TRAPPC10: variants seen among roughly 807,000 people sequenced by gnomAD.
The protein encoded by TRAPPC10 is TRAPP 130 kDa subunit.
A neutral mutation model predicts 125.5 loss-of-function variants in TRAPPC10; 23 were observed. The observed-to-expected ratio is 0.18, with a 90% CI of 0.13 to 0.26. The LOEUF (loss-of-function observed/expected upper bound fraction) is 0.26, where lower values mean the gene tolerates loss of function less well. Among genes scored for constraint, TRAPPC10 ranks in the 10% least tolerant of loss-of-function variants. TRAPPC10 has a pLI of 1.00. For synonymous variants in TRAPPC10, 509 were observed against 518.0 expected (o/e 0.98, Z 0.24); for missense variants, 1,123 against 1,308.4 (o/e 0.86, Z 2.19).
chr21:44,050,967 C>T (rs978968003), intron 3 of TRAPPC10, among the ~76,000 whole-genome samples: 17 of 152,048 alleles, frequency 1.1e-4, no homozygotes, highest in Admixed American at 3.3e-4. Flanking sequence ...TGCAGTGGTG[C>T]GATCTTGACT....
rs1239143260 is a variant in TRAPPC10 at position 44,077,680 on chromosome 21, T to G, written c.1378-13T>G. 1 of 1,583,750 alleles carries G rather than the reference T, an allele frequency of 6.3e-7. No homozygotes were observed. The highest frequency in any genetic ancestry group is 1.3e-5 in the African/African-American group (1 of 74,282). ...AAGTTCAAGTACATAATTGTGTTTT[T>G]ACTTCCCCACAGGATTTGTCCCATG... On this transcript the variant is annotated splice_polypyrimidine_tract_variant and intron_variant, in intron 10 of 22. Coordinates refer to ENST00000291574, the MANE Select transcript of TRAPPC10 (RefSeq NM_003274.5).
intron 4 of TRAPPC10, 73 bp from the exon 5 acceptor site, chr21:44,055,625 A>T: frequency 8.1e-7 from 1 of 1,237,420 alleles, no homozygotes; most frequent in South Asian, 1.8e-5. Flanking sequence ...GCCGCTCAGG[A>T]CAATGGCAGC....
Position 44,087,566 on chromosome 21 carries a change from GT to G in TRAPPC10, c.2540-130del. The G allele has an allele frequency of 1.3e-6, 1 of 771,296 alleles. No individual in the cohort carries two copies. The highest frequency in any genetic ancestry group is 1.7e-5 in the South Asian group (1 of 60,412). The allele number at this position is 771,296 out of a possible 1,614,324, so 47.8% of individuals were successfully genotyped here. On this transcript the variant is annotated intron_variant, in intron 16 of 22. Coordinates refer to ENST00000291574, the MANE Select transcript of TRAPPC10 (RefSeq NM_003274.5). This position sits in a 1 kb window ranked among gnomAD's most constrained non-coding sequence, Gnocchi z 4.6. ...TCTGTCCTAGGGGCCTTGTTCTTGG[GT>G]TTGCCTGCCAGGTGCGCAGGAGCGG...
In TRAPPC10 at chr21:44,059,945, G is replaced by C. The variant is rs2035909420; in HGVS notation, c.790+731G>C. ...TTTATGCTTCTTGCCACCACAAGCA[G>C]TGCTGTAGTGGGCATCTCTGCCAGG... is the stretch of plus-strand genomic sequence containing the variant. On this transcript the variant is annotated intron_variant, in intron 6 of 22. Transcript: ENST00000291574. The surrounding 1 kb of genome is among the most constrained non-coding windows in gnomAD (Gnocchi z 4.4). 6.2e-6 allele frequency: 1 copy of C among 161,014 alleles called. No individual in the cohort carries two copies. The highest frequency in any genetic ancestry group is 6.2e-5 in the Admixed American group (1 of 16,236). 10.0% of individuals were successfully genotyped at this position (161,014 alleles called of 1,614,324 possible).
intron 3 of TRAPPC10, among the ~76,000 whole-genome samples, chr21:44,038,392 G>A (rs1056866101): frequency 6.6e-6 from 1 of 151,664 alleles, no homozygotes; most frequent in African/African-American, 2.4e-5. Context: ...TGTTCCCATC[G>A]TGGCTCCATT....
intron 19 of TRAPPC10, among the ~76,000 whole-genome samples, chr21:44,092,482 G>A (rs1234641176): frequency 6.6e-6 from 1 of 152,208 alleles, no homozygotes; most frequent in Non-Finnish European, 1.5e-5. Context: ...ATGGCTCGCT[G>A]CCTGGATGAA....
At position 44,059,047 on chromosome 21, in the gene TRAPPC10, T is replaced by G. The variant is rs987613193; in HGVS notation, c.679-56T>G. ...TCGTTTAATGGCTACATACTGTTTC[T>G]TCTATACATTGATTTATGTTTTTGT... On this transcript the variant is annotated intron_variant, in intron 5 of 22. Coordinates refer to ENST00000291574, the MANE Select transcript of TRAPPC10 (RefSeq NM_003274.5). The surrounding 1 kb of genome is among the most constrained non-coding windows in gnomAD (Gnocchi z 4.4). 5.1e-6 allele frequency: 7 copies of G among 1,385,448 alleles called. No individual in the cohort carries two copies. Among genetic ancestry groups the G allele is most frequent in the Non-Finnish European group, 7.0e-6 (7 of 1,007,140 alleles). The allele number at this position is 1,385,448 out of a possible 1,614,324, so 85.8% of individuals were successfully genotyped here. A position where few individuals can be genotyped will look rare whatever the true frequency, so the allele number is the denominator to read the frequency against.
At chr21:44,038,674 CAAAT>C (rs1326316440) in intron 3 of TRAPPC10, among the ~76,000 whole-genome samples, 1 of 152,082 alleles carries the variant, frequency 6.6e-6, no homozygotes, top group Non-Finnish European at 1.5e-5. Context: ...TATTTTGAGT[CAAAT>C]AAAGCAAGAT....
chr21:44,037,403 G>A lies in TRAPPC10; in HGVS notation c.150-389G>A, dbSNP rs144265687. ...CCAAAAATACGAATGCAACCCTAAA[G>A]CTTTCGTAATTAAAACTGCACTTTG... On this transcript the variant is annotated intron_variant, in intron 2 of 22. Transcript: ENST00000291574. 2.3e-3 allele frequency among the ~76,000 whole-genome samples: 346 copies of A among 152,280 alleles called. 1 individual carries two copies. Among genetic ancestry groups the A allele is most frequent in the African/African-American group, 8.0e-3 (334 of 41,558 alleles).
chr21:44,025,830 G>GTT (rs1167791566), intron 1 of TRAPPC10, among the ~76,000 whole-genome samples: 36 of 12,512 alleles, frequency 2.9e-3, no homozygotes, highest in Non-Finnish European at 4.3e-3. Context: ...GGGTGTGTGT[G>GTT]TGTGTGTGTG....
chr21:44,069,653 TACAGATACATGC>T, intron 7 of TRAPPC10, among the ~76,000 whole-genome samples: 1 of 152,194 alleles, frequency 6.6e-6, no homozygotes, highest in East Asian at 1.9e-4. Flanking sequence ...CCCTGGTGTG[TACAGATACATGC>T]ACACACACAT....
In TRAPPC10 at chr21:44,037,934, AC is replaced by A. The variant is rs1315340967; in HGVS notation, c.285+9del. 2 of 1,612,520 alleles carry A rather than the reference AC, an allele frequency of 1.2e-6. No individual in the cohort carries two copies. The highest frequency in any genetic ancestry group is 2.7e-5 in the African/African-American group (2 of 74,876). ...TTACTGGACAGAGTGCTGTGTGAGT[AC>A]CAGCAGGGGAAGAGGATGCGCGGTG... On this transcript the variant is annotated splice_region_variant and intron_variant, in intron 3 of 22. Transcript: ENST00000291574.
intron 8 of TRAPPC10, among the ~76,000 whole-genome samples, chr21:44,074,807 G>T (rs1277543478): frequency 1.3e-5 from 2 of 152,224 alleles, no homozygotes; most frequent in Non-Finnish European, 2.9e-5. Context: ...AGGTGCAGGC[G>T]TAGCCTGGGG....
chr21:44,064,379 A>G (rs2036286766), intron 7 of TRAPPC10, among the ~76,000 whole-genome samples: 1 of 152,066 alleles, frequency 6.6e-6, no homozygotes, highest in Non-Finnish European at 1.5e-5. Context: ...GCCCTTAGAG[A>G]TAAATTCACC....
At chr21:44,069,225 A>G (rs2145972500) in intron 7 of TRAPPC10, among the ~76,000 whole-genome samples, 2 of 152,308 alleles carry the variant, frequency 1.3e-5, no homozygotes, top group Middle Eastern at 3.4e-3. Flanking sequence ...GGTACTCTGA[A>G]GGGAGTGAAA....
chr21:44,077,667 A>G (rs749309601), intron 10 of TRAPPC10, 26 bp from the exon 11 acceptor site: 18 of 1,514,632 alleles, frequency 1.2e-5, no homozygotes, highest in South Asian at 2.3e-5. Context: ...GTTCAAGTAC[A>G]TAATTGTGTT....
At chr21:44,036,005 C>T (rs1415508817) in intron 2 of TRAPPC10, among the ~76,000 whole-genome samples, 7 of 151,890 alleles carry the variant, frequency 4.6e-5, no homozygotes, top group African/African-American at 1.5e-4. Flanking sequence ...AAAAGCTGGC[C>T]CTGGAGGATA....
chr21:44,067,010 C>T (rs149986362), intron 7 of TRAPPC10, among the ~76,000 whole-genome samples: 1 of 152,276 alleles, frequency 6.6e-6, no homozygotes, highest in East Asian at 1.9e-4. Flanking sequence ...ACAATGATTG[C>T]CCAAGTGATT....
rs753395564 is a variant in TRAPPC10 at position 44,083,041 on chromosome 21, C to T, written c.1977C>T (p.Pro659=). 1.2e-4 allele frequency: 188 copies of T among 1,613,974 alleles called. No homozygotes were observed. The highest frequency in any genetic ancestry group is 1.5e-4 in the Non-Finnish European group (179 of 1,180,038). The change falls in exon 14 of 23, where the codon CCC becomes CCT. Residue 659 remains proline, a synonymous_variant. Transcript: ENST00000291574. The stretch of plus-strand genomic sequence containing the variant: ...CCAATGGGATCATTAACTTTCCACC[C>T]GAGACCGCACCTTTCCCTGTATCCC... ...KTSNGIINFP[P]ETAPFPVSQN...
Sources: gnomAD v4.1 joint callset for allele counts (sites outside exome capture counted in the v4.1 genomes callset) on GRCh38, gnomAD v4.1.1 for gene constraint, Gnocchi (gnomAD v3.1) non-coding constraint, MANE v1.5 for transcripts, NCBI Gene and HGNC (gene_info 2026-07-23, HGNC 2026-07-21) for gene names.